Variants in PHF20L1 observed in about 807,000 individuals in gnomAD.
PHF20L1 encodes the protein PHD finger protein 20 like 1.
PHF20L1 carries 44 observed loss-of-function variants against 125.5 expected under a neutral mutation model. The observed-to-expected ratio is 0.35, with a 90% CI of 0.28 to 0.45. The LOEUF (loss-of-function observed/expected upper bound fraction) is 0.45, where lower values mean the gene tolerates loss of function less well. Ranked by LOEUF, PHF20L1 falls within the 20% of genes least tolerant of loss-of-function variation. The probability of loss-of-function intolerance (pLI) is 1.00; values close to 1 mark genes in which losing one functional copy is unlikely to be tolerated. For synonymous variants in PHF20L1, 380 were observed against 403.1 expected, an observed-to-expected ratio of 0.94 and a Z score of 0.69; for missense variants, 1,012 against 1,217.2, an observed-to-expected ratio of 0.83 and a Z score of 2.51.
intron 1 of PHF20L1, among the ~76,000 whole-genome samples, chr8:132,776,125 T>G (rs1019399171): frequency 2.1e-4 from 32 of 152,318 alleles, no homozygotes; most frequent in African/African-American, 7.7e-4. Flanking sequence ...TGTTTTTGCT[T>G]CAAGTTTTAC....
chr8:132,845,398 A>G (rs1036918136), intron 20 of PHF20L1, among the ~76,000 whole-genome samples: 1 of 152,072 alleles, frequency 6.6e-6, no homozygotes, highest in Non-Finnish European at 1.5e-5. Flanking sequence ...ATTAATAGAA[A>G]GCTTGAGCAA....
At chr8:132,828,151 A>C (rs779079285) in intron 14 of PHF20L1, among the ~76,000 whole-genome samples, 2 of 152,070 alleles carry the variant, frequency 1.3e-5, no homozygotes, top group Non-Finnish European at 2.9e-5. Flanking sequence ...GTCTACAGTT[A>C]GCACCATGAG....
intron 13 of PHF20L1, 61 bp downstream of exon 13, chr8:132,824,121 T>C (rs766662174): frequency 1.0e-6 from 1 of 1,000,186 alleles, no homozygotes; most frequent in South Asian, 1.4e-5. Flanking sequence ...AGGGAGGACA[T>C]AGTCTGCCCC....
intron 15 of PHF20L1, among the ~76,000 whole-genome samples, chr8:132,833,560 G>A (rs1054155812): frequency 6.6e-5 from 10 of 152,026 alleles, no homozygotes; most frequent in African/African-American, 2.4e-4. Flanking sequence ...TGAGATTTCT[G>A]GAAGGATCCT....
chr8:132,821,153 C>T (rs1835552244), intron 12 of PHF20L1, among the ~76,000 whole-genome samples: 1 of 151,824 alleles, frequency 6.6e-6, no homozygotes, highest in African/African-American at 2.4e-5. Context: ...GGCTTTGCTT[C>T]AGTGTCATTC....
chr8:132,840,940 G>A (rs1195313428), intron 18 of PHF20L1, among the ~76,000 whole-genome samples: 4 of 151,950 alleles, frequency 2.6e-5, no homozygotes, highest in Non-Finnish European at 4.4e-5. Flanking sequence ...ACTATTTGTT[G>A]AATAAAATTT....
At chr8:132,794,923 T>C in intron 4 of PHF20L1, 106 bp downstream of exon 4, 3 of 673,504 alleles carry the variant, frequency 4.5e-6, no homozygotes, top group South Asian at 2.0e-5. Context: ...CGTATAACTT[T>C]TATATTTTCT....
intron 6 of PHF20L1, 92 bp downstream of exon 6, chr8:132,799,264 T>C: frequency 1.5e-6 from 1 of 688,326 alleles, no homozygotes; most frequent in Non-Finnish European, 2.5e-6. Context: ...AAAATTTACA[T>C]TGAGTTCTTA....
intron 10 of PHF20L1, 22 bp downstream of exon 10, chr8:132,814,911 ATAGT>A (rs752212435): frequency 1.3e-6 from 2 of 1,493,402 alleles, no homozygotes; most frequent in Non-Finnish European, 1.8e-6. Flanking sequence ...TTTTTAAAAA[ATAGT>A]TATTTATCCT....
At position 132,814,738 on chromosome 8, in the gene PHF20L1, A is replaced by C. The variant is rs1418252837; in HGVS notation, c.1032A>C (p.Ser344=). The part of the protein sequence containing the change: ...KPALLSSTLS[S]GKARSKKCKH... ...CACTGTTATCCTCAACTTTGTCTTC[A>C]GGGAAGGCTCGCAGCAAGAAATGCA... Residue 344 remains serine (S), a synonymous_variant, in exon 10 of 21, where the codon TCA becomes TCC. Coordinates refer to ENST00000395386, the MANE Select transcript of PHF20L1 (RefSeq NM_016018.5). The C allele has an allele frequency of 1.2e-6, 2 of 1,613,026 alleles. No homozygotes were observed. Among genetic ancestry groups the C allele is most frequent in the Non-Finnish European group, 1.7e-6 (2 of 1,179,252 alleles).
At position 132,794,494 on chromosome 8, in the gene PHF20L1, G is replaced by T; in HGVS notation, c.168G>T (p.Glu56Asp). 6.2e-7 allele frequency: 1 copy of T among 1,610,744 alleles called. No individual in the cohort carries two copies. ...HFERWSHRYDEWIYWDSNRLR... is the reference protein window; with the variant it reads ...HFERWSHRYDDWIYWDSNRLR... ...AGCGCTGGAGTCATCGTTATGATGA[G>T]TGGATTTACTGGGATAGCAATAGAT... Residue 56 changes from glutamate to aspartate, a missense_variant, in exon 3 of 21, where the codon GAG becomes GAT. Transcript: ENST00000395386.
At position 132,817,520 on chromosome 8, in the gene PHF20L1, T is replaced by C. The variant is rs192243980; in HGVS notation, c.1554T>C (p.Asp518=). The C allele has an allele frequency of 1.2e-6, 2 of 1,611,738 alleles. No individual in the cohort carries two copies. The highest frequency in any genetic ancestry group is 4.5e-5 in the East Asian group (2 of 44,688). The change falls in exon 12 of 21, where the codon GAT becomes GAC. Residue 518 remains aspartate (D), a synonymous_variant. Transcript: ENST00000395386. ...LPNPSSKAIA[D]GRGAPAAAGI... ...ATCCTTCTTCCAAAGCAATAGCTGA[T>C]GGAAGAGGAGCTCCAGCAGCAGCAG...
intron 8 of PHF20L1, chr8:132,807,414 AC>A: frequency 6.1e-6 from 1 of 162,952 alleles, no homozygotes; most frequent in Admixed American, 6.3e-5. Flanking sequence ...AAGGAAAAAA[AC>A]ATCAGCAGTT....
rs1331482805 is a variant in PHF20L1, at chr8:132,846,888, A to C, written c.*965A>C. 2 of 152,550 alleles carry C rather than the reference A, an allele frequency of 1.3e-5. 1 individual carries two copies. The highest frequency in any genetic ancestry group is 1.3e-4 in the Admixed American group (2 of 15,264). 9.4% of individuals were successfully genotyped at this position (152,550 alleles called of 1,614,324 possible). ...TGGGATGAGGAGTGACAGAATATCA[A>C]AATAATTTGTGGCTGTGGATTTTTT... On this transcript the variant is annotated 3_prime_UTR_variant, in exon 21 of 21. Coordinates refer to ENST00000395386, the MANE Select transcript of PHF20L1 (RefSeq NM_016018.5).
chr8:132,814,819 C>G lies in PHF20L1; in HGVS notation c.1113C>G (p.Ser371=). Reference sequence around the variant, plus strand: ...TAAAACCCCCTAAATCACCACTTTCCCCAGAATTAATACAAGTCGAGGATT... The same window carrying G: ...TAAAACCCCCTAAATCACCACTTTCGCCAGAATTAATACAAGTCGAGGATT... ...GCIKPPKSPL[S]PELIQVEDLT... Residue 371 remains serine, a synonymous_variant, in exon 10 of 21, where the codon TCC becomes TCG. Coordinates refer to ENST00000395386, the MANE Select transcript of PHF20L1 (RefSeq NM_016018.5). 1 of 1,611,740 alleles carries G rather than the reference C, an allele frequency of 6.2e-7. No individual in the cohort carries two copies. Among genetic ancestry groups the G allele is most frequent in the Non-Finnish European group, 8.5e-7 (1 of 1,178,150 alleles).
At chr8:132,828,491 A>AT (rs1437880229) in intron 14 of PHF20L1, among the ~76,000 whole-genome samples, 19 of 152,188 alleles carry the variant, frequency 1.2e-4, no homozygotes, top group Non-Finnish European at 2.8e-4. Flanking sequence ...CAAACTGTGT[A>AT]TTCTTCTCTT....
intron 12 of PHF20L1, among the ~76,000 whole-genome samples, chr8:132,822,227 G>C (rs1318383595): frequency 6.6e-6 from 1 of 151,928 alleles, no homozygotes; most frequent in African/African-American, 2.4e-5. Flanking sequence ...CTCTGGGAAT[G>C]ACTGCATCTC....
chr8:132,825,174 A>AT, intron 13 of PHF20L1, 90 bp from the exon 14 acceptor site: 1 of 1,564,716 alleles, frequency 6.4e-7, no homozygotes, highest in African/African-American at 1.4e-5. Flanking sequence ...GGAATAGCTG[A>AT]TTAAAACATA....
rs1208376286 is a variant in PHF20L1, at chr8:132,832,247, A to C, written c.1757A>C (p.Tyr586Ser). Residue 586 changes from tyrosine to serine, a missense_variant, in exon 15 of 21, where the codon TAT (tyrosine) becomes TCT (serine). Around this residue, in one of 7 missense-constraint regions of PHF20L1, gnomAD observed 320 missense variants for 293.8 expected, o/e 1.09. Transcript: ENST00000395386. ...KKSKQHDYSD[Y>S]EDSSLEFLER... ...TCTTATGTTGCAGACTATTCAGACT[A>C]TGAAGACAGTTCCCTCGAATTTTTG... The C allele has an allele frequency of 6.3e-7, 1 of 1,586,314 alleles. No individual in the cohort carries two copies.
Sources: allele counts gnomAD v4.1 joint callset (sites outside exome capture counted in the v4.1 genomes callset), GRCh38; gene constraint gnomAD v4.1.1; regional missense constraint gnomAD v4.1.1; transcripts MANE v1.5; gene names NCBI Gene and HGNC (gene_info 2026-07-23, HGNC 2026-07-21).